Variants in AGAP1 observed in about 807,000 individuals in gnomAD.
AGAP1 encodes ArfGAP with GTPase domain, ankyrin repeat and PH domain 1.
A neutral mutation model predicts 105.3 loss-of-function variants in AGAP1; 29 were observed. The ratio of observed to expected loss-of-function variants is 0.28; its 90% CI spans 0.21 to 0.38. AGAP1 has a LOEUF of 0.38. Ranked by LOEUF, AGAP1 falls within the 10% of genes least tolerant of loss-of-function variation. The pLI, the probability that AGAP1 is intolerant of heterozygous loss-of-function variation, is 1.00. For missense variants in AGAP1, 998 were observed against 1,165.1 expected (o/e 0.86, Z 2.09); for synonymous variants, 509 against 485.9 (o/e 1.05, Z -0.63).
chr2:235,779,175 C>A (rs543870732), intron 6 of AGAP1, among the ~76,000 whole-genome samples: 1 of 152,286 alleles, frequency 6.6e-6, no homozygotes, highest in African/African-American at 2.4e-5. Flanking sequence ...GCCTCAGTAA[C>A]TTGATGAGGA....
rs1347901011 is a variant in AGAP1 at position 236,124,465 on chromosome 2, C to T, written c.*343C>T. On this transcript the variant is annotated 3_prime_UTR_variant, in exon 18 of 18. Coordinates refer to ENST00000304032, the MANE Select transcript of AGAP1 (RefSeq NM_001037131.3). This position sits in a 1 kb window ranked among gnomAD's most constrained non-coding sequence, Gnocchi z 5.1. ...ATGGGGACGCGAGGGGGAGGGGAGG[C>T]GAGGAACAAGGAGAAGGGGCAACTT... The T allele has an allele frequency of 1.3e-5, 4 of 313,048 alleles. No individual in the cohort carries two copies. Among genetic ancestry groups the T allele is most frequent in the South Asian group, 8.7e-5 (2 of 23,000 alleles). 19.4% of individuals were successfully genotyped at this position (313,048 alleles called of 1,614,324 possible). A position where few individuals can be genotyped will look rare whatever the true frequency, so the allele number is the denominator to read the frequency against.
rs1023010315 is a variant in AGAP1, at chr2:235,992,862, A to C, written c.1645+24239A>C. On this transcript the variant is annotated intron_variant, in intron 13 of 17. Coordinates refer to ENST00000304032, the MANE Select transcript of AGAP1 (RefSeq NM_001037131.3). The surrounding 1 kb of genome is among the most constrained non-coding windows in gnomAD (Gnocchi z 4.8). ...CATTGTTTCATGGCCTTTGCAGTTG[A>C]GCTTGTGTTGGCCTCTTTCCGTCGT... 3.3e-5 allele frequency among the ~76,000 whole-genome samples: 5 copies of C among 151,990 alleles called. No homozygotes were observed. The highest frequency in any genetic ancestry group is 1.2e-4 in the African/African-American group (5 of 41,374).
intron 13 of AGAP1, among the ~76,000 whole-genome samples, chr2:236,022,782 C>T (rs2056926815): frequency 6.6e-6 from 1 of 152,144 alleles, no homozygotes; most frequent in Non-Finnish European, 1.5e-5. Context: ...GGATCCGCCC[C>T]CACCCCAGGC....
chr2:235,977,151 G>C lies in AGAP1; in HGVS notation c.1645+8528G>C, dbSNP rs561645314. On this transcript the variant is annotated intron_variant, in intron 13 of 17. Transcript: ENST00000304032. This position sits in a 1 kb window ranked among gnomAD's most constrained non-coding sequence, Gnocchi z 5.2. ...TCCGGCGTCCATCAGCAGAGAACTC[G>C]GGGCACCGTGTTTTCCTGTGTGCAC... Among the ~76,000 whole-genome samples, 1 of 152,172 alleles carries C rather than the reference G, an allele frequency of 6.6e-6. No individual in the cohort carries two copies. The highest frequency in any genetic ancestry group is 2.1e-4 in the South Asian group (1 of 4,820).
intron 1 of AGAP1, among the ~76,000 whole-genome samples, chr2:235,629,316 GTGTA>G (rs1224443276): frequency 2.0e-3 from 208 of 102,182 alleles, no homozygotes; most frequent in Middle Eastern, 0.011. Context: ...GTGTGTGTGT[GTGTA>G]TGTGTATACA....
rs1220735185 is a variant in AGAP1, at chr2:235,520,802, T to C, written c.163+25953T>C. ...TTGGTTTAGTAGACTCCGTTTAAAA[T>C]TGACTAATTAGTTTTAGATCATTGT... On this transcript the variant is annotated intron_variant, in intron 1 of 17. Transcript: ENST00000304032. Among the ~76,000 whole-genome samples, 8 of 152,334 alleles carry C rather than the reference T, an allele frequency of 5.3e-5. No individual in the cohort carries two copies. In the East Asian group the frequency reaches 1.3e-3, roughly 26 times the overall value.
rs2050116484 is a variant in AGAP1, at chr2:235,883,194, T to G, written c.1051-151T>G. The G allele has an allele frequency of 1.6e-6, 1 of 635,754 alleles. No individual in the cohort carries two copies. The highest frequency in any genetic ancestry group is 1.8e-5 in the African/African-American group (1 of 54,408). 39.4% of individuals were successfully genotyped at this position (635,754 alleles called of 1,614,324 possible). A position where few individuals can be genotyped will look rare whatever the true frequency, so the allele number is the denominator to read the frequency against. On this transcript the variant is annotated intron_variant, in intron 9 of 17. Transcript: ENST00000304032. This position sits in a 1 kb window ranked among gnomAD's most constrained non-coding sequence, Gnocchi z 4.5. Reference sequence around the variant, plus strand: ...CTCAATGTGTTTGTGTCGTATTTGTTGAACTAATGGCATATCTTTTAGCAT... The same window carrying G: ...CTCAATGTGTTTGTGTCGTATTTGTGGAACTAATGGCATATCTTTTAGCAT...
chr2:235,917,543 T>C (rs2051952839), intron 11 of AGAP1, among the ~76,000 whole-genome samples: 1 of 152,008 alleles, frequency 6.6e-6, no homozygotes, highest in Non-Finnish European at 1.5e-5. Context: ...TGAGAGCATT[T>C]AAGAGGGAGC....
rs562230476 is a variant in AGAP1 at position 235,824,048 on chromosome 2, T to C, written c.1050+16717T>C. Reference sequence around the variant, plus strand: ...GTGGTCTTCACATTGAAGGGCCTTATGTAGCACCGAGCTCCCAGTATGTAA... The same window carrying C: ...GTGGTCTTCACATTGAAGGGCCTTACGTAGCACCGAGCTCCCAGTATGTAA... On this transcript the variant is annotated intron_variant, in intron 9 of 17. Coordinates refer to ENST00000304032, the MANE Select transcript of AGAP1 (RefSeq NM_001037131.3). This position sits in a 1 kb window ranked among gnomAD's most constrained non-coding sequence, Gnocchi z 5.2. Among the ~76,000 whole-genome samples the C allele has an allele frequency of 2.5e-4, 38 of 152,390 alleles. No individual in the cohort carries two copies. Among genetic ancestry groups the C allele is most frequent in the African/African-American group, 8.7e-4 (36 of 41,592 alleles).
intron 6 of AGAP1, among the ~76,000 whole-genome samples, chr2:235,772,216 T>G (rs376723132): frequency 6.6e-6 from 1 of 152,038 alleles, no homozygotes; most frequent in African/African-American, 2.4e-5. Flanking sequence ...TGGTCTCGAA[T>G]CCTGACCTCA....
At chr2:236,106,389 G>C (rs994626305) in intron 16 of AGAP1, among the ~76,000 whole-genome samples, 1 of 152,234 alleles carries the variant, frequency 6.6e-6, no homozygotes, top group African/African-American at 2.4e-5. Context: ...TGATGTGCAG[G>C]CACTGCGGCA....
rs1345923319 is a variant in AGAP1 at position 235,692,249 on chromosome 2, G to GC, written c.164-16929dup. ...GCCATGTAGATATGCCCGCTGCCTT[G>GC]CACCTGTTCCTCTGGCCTCGCCTCT... On this transcript the variant is annotated intron_variant, in intron 1 of 17. Transcript: ENST00000304032. The surrounding 1 kb of genome is among the most constrained non-coding windows in gnomAD (Gnocchi z 5.8). Among the ~76,000 whole-genome samples, 5 of 152,076 alleles carry GC rather than the reference G, an allele frequency of 3.3e-5. No homozygotes were observed. Among genetic ancestry groups the GC allele is most frequent in the Admixed American group, 3.3e-4 (5 of 15,274 alleles).
chr2:235,968,222 C>T (rs2054486241), intron 12 of AGAP1, among the ~76,000 whole-genome samples: 1 of 152,132 alleles, frequency 6.6e-6, no homozygotes, highest in African/African-American at 2.4e-5. Context: ...TAGCATGCTG[C>T]TGATAGAAAA....
At position 235,578,358 on chromosome 2, in the gene AGAP1, G is replaced by A. The variant is rs916252595; in HGVS notation, c.163+83509G>A. 1.3e-5 allele frequency among the ~76,000 whole-genome samples: 2 copies of A among 152,186 alleles called. No homozygotes were observed. The highest frequency in any genetic ancestry group is 4.8e-5 in the African/African-American group (2 of 41,442). On this transcript the variant is annotated intron_variant, in intron 1 of 17. Transcript: ENST00000304032. This position sits in a 1 kb window ranked among gnomAD's most constrained non-coding sequence, Gnocchi z 4.9. Reference sequence around the variant, plus strand: ...CCCTTACCTGCCCCCAGGTGTCCTGGGAGAAGTCAGTGACATGATTAAGAC... The same window carrying A: ...CCCTTACCTGCCCCCAGGTGTCCTGAGAGAAGTCAGTGACATGATTAAGAC...
chr2:235,711,016 C>T (rs1228166950), intron 2 of AGAP1, among the ~76,000 whole-genome samples: 2 of 152,186 alleles, frequency 1.3e-5, no homozygotes, highest in Non-Finnish European at 2.9e-5. Flanking sequence ...AAGAACCTGC[C>T]CAAGGAGCCA....
intron 11 of AGAP1, among the ~76,000 whole-genome samples, chr2:235,910,864 G>A (rs916641001): frequency 2.0e-5 from 3 of 151,078 alleles, no homozygotes; most frequent in African/African-American, 4.9e-5. Context: ...GCAGTGAGCC[G>A]AGATCGCACC....
In AGAP1 at chr2:235,596,744, T is replaced by C. The variant is rs145837427; in HGVS notation, c.163+101895T>C. 2.0e-3 allele frequency among the ~76,000 whole-genome samples: 305 copies of C among 152,246 alleles called. No homozygotes were observed. The highest frequency in any genetic ancestry group is 7.1e-3 in the African/African-American group (294 of 41,550). ...TTCCTCTCTTGTGCCCCAGTCCTAGTGATGAGAAAAGCAATGATGTTTCCC... is the reference window on the plus strand; with the variant it reads ...TTCCTCTCTTGTGCCCCAGTCCTAGCGATGAGAAAAGCAATGATGTTTCCC... On this transcript the variant is annotated intron_variant, in intron 1 of 17. Coordinates refer to ENST00000304032, the MANE Select transcript of AGAP1 (RefSeq NM_001037131.3). The surrounding 1 kb of genome is among the most constrained non-coding windows in gnomAD (Gnocchi z 5.9).
In AGAP1 at chr2:235,555,511, T is replaced by C. The variant is rs1159938514; in HGVS notation, c.163+60662T>C. On this transcript the variant is annotated intron_variant, in intron 1 of 17. Transcript: ENST00000304032. This position sits in a 1 kb window ranked among gnomAD's most constrained non-coding sequence, Gnocchi z 5.1. ...TGGGGCCGGCATGGGGGTCACTGGC[T>C]GCAAGCGAAGGCAGCTTATGTCATG... is the stretch of plus-strand genomic sequence containing the variant. Among the ~76,000 whole-genome samples, 1 of 152,222 alleles carries C rather than the reference T, an allele frequency of 6.6e-6. No homozygotes were observed. Among genetic ancestry groups the C allele is most frequent in the Non-Finnish European group, 1.5e-5 (1 of 68,046 alleles).
rs1262169003 is a variant in AGAP1, at chr2:235,612,806, T to C, written c.164-96373T>C. Among the ~76,000 whole-genome samples the C allele has an allele frequency of 6.6e-6, 1 of 152,116 alleles. No individual in the cohort carries two copies. Among genetic ancestry groups the C allele is most frequent in the African/African-American group, 2.4e-5 (1 of 41,438 alleles). On this transcript the variant is annotated intron_variant, in intron 1 of 17. Coordinates refer to ENST00000304032, the MANE Select transcript of AGAP1 (RefSeq NM_001037131.3). The surrounding 1 kb of genome is among the most constrained non-coding windows in gnomAD (Gnocchi z 4.3). ...TCCAGGTTGGCCTGCCAGCCGATGT[T>C]GTGATCTTGTGGAGGGAATGACCCC...
Sources: allele counts gnomAD v4.1 joint callset (sites outside exome capture counted in the v4.1 genomes callset), GRCh38; gene constraint gnomAD v4.1.1; non-coding constraint Gnocchi (gnomAD v3.1); transcripts MANE v1.5; gene names NCBI Gene and HGNC (gene_info 2026-07-23, HGNC 2026-07-21).